SGCB: variants seen among roughly 807,000 people sequenced by gnomAD.
SGCB encodes the protein beta-sarcoglycan.
A neutral mutation model predicts 27.3 loss-of-function variants in SGCB; 25 were observed. That is an observed-to-expected ratio of 0.92 (90% CI 0.67 to 1.28). SGCB has a LOEUF of 1.28. Among genes scored for constraint, SGCB ranks in the 50% most tolerant of loss-of-function variants. SGCB has a pLI of 0.00. For missense variants in SGCB, 436 were observed against 402.1 expected (o/e 1.08, Z -0.72); for synonymous variants, 147 against 133.5 (o/e 1.10, Z -0.70).
At chr4:52,025,310 C>G (rs1242465182) in intron 5 of SGCB, among the ~76,000 whole-genome samples, 1 of 152,060 alleles carries the variant, frequency 6.6e-6, no homozygotes, top group African/African-American at 2.4e-5. Context: ...CAGATGGGGA[C>G]TGAGTTTTAC....
intron 1 of SGCB, among the ~76,000 whole-genome samples, chr4:52,035,703 A>G (rs1049228943): frequency 6.6e-6 from 1 of 152,212 alleles, no homozygotes; most frequent in Non-Finnish European, 1.5e-5. Context: ...GACCTAAACT[A>G]AAGTGGGATG....
At position 52,028,214 on chromosome 4, in the gene SGCB, TTAA is replaced by T. The variant is rs1333284541; in HGVS notation, c.622-118_622-116del. 3.7e-6 allele frequency: 3 copies of T among 806,128 alleles called. No homozygotes were observed. The African/African-American group carries it at 5.2e-5, about 14-fold the overall frequency. The allele number at this position is 806,128 out of a possible 1,614,324, so 49.9% of individuals were successfully genotyped here. A position where few individuals can be genotyped will look rare whatever the true frequency, so the allele number is the denominator to read the frequency against. On this transcript the variant is annotated intron_variant, in intron 4 of 5. Coordinates refer to ENST00000381431, the MANE Select transcript of SGCB (RefSeq NM_000232.5). ...GAGAGATGAAAGTCAAATGTTTCTA[TTAA>T]TGTTTTAGAGATGTGGAAATTGAGA...
In SGCB at chr4:52,028,811, GA is replaced by G. The variant is rs1737176330; in HGVS notation, c.539del (p.Phe180SerfsTer16). ...ACTCATGAGTTTCATAGTCTGTGCT[GA>G]ATAAGATATTTTGAGTCCTCGGGTC... is the stretch of plus-strand genomic sequence containing the variant. Reference protein sequence around the residue: ...FFDPRTQNILFSTDYETHEFH... With the variant: ...FFDPRTQNILXSTDYETHEFH... On this transcript the variant is annotated frameshift_variant, in exon 4 of 6. Coordinates refer to ENST00000381431, the MANE Select transcript of SGCB (RefSeq NM_000232.5). LOFTEE classifies it high-confidence loss of function. 2 of 1,613,402 alleles carry G rather than the reference GA, an allele frequency of 1.2e-6. No individual in the cohort carries two copies. The highest frequency in any genetic ancestry group is 2.7e-5 in the African/African-American group (2 of 74,866).
chr4:52,031,445 T>A (rs1267451186), intron 2 of SGCB, among the ~76,000 whole-genome samples: 1 of 141,612 alleles, frequency 7.1e-6, no homozygotes, highest in East Asian at 2.0e-4. Context: ...TGTGTGTGTG[T>A]GTGTGCACGC....
Position 52,024,064 on chromosome 4 carries a change from G to A in SGCB, c.850C>T (p.Arg284Cys), listed in dbSNP as rs545065102. Residue 284 changes from arginine (R) to cysteine (C), a missense_variant, in exon 6 of 6, where the codon CGC becomes TGC. Coordinates refer to ENST00000381431, the MANE Select transcript of SGCB (RefSeq NM_000232.5). ...GDQLGSGDWVRYKLCMCADGT... is the reference protein window; with the variant it reads ...GDQLGSGDWVCYKLCMCADGT... ...TCAGCACACATGCAGAGCTTGTAGC[G>A]TACCCAGTCACCACTACCCAACTGG... The A allele has an allele frequency of 2.3e-5, 37 of 1,613,886 alleles. No homozygotes were observed. Among genetic ancestry groups the A allele is most frequent in the East Asian group, 1.1e-4 (5 of 44,864 alleles).
chr4:52,030,038 G>A (rs1380893622), intron 2 of SGCB, among the ~76,000 whole-genome samples, 175 bp from the exon 3 acceptor site: 6 of 151,930 alleles, frequency 3.9e-5, no homozygotes, highest in Non-Finnish European at 8.8e-5. Context: ...TTTTTATTAA[G>A]GTATTACATG....
chr4:52,038,130 GC>G, intron 1 of SGCB, 96 bp downstream of exon 1: 5 of 876,546 alleles, frequency 5.7e-6, no homozygotes, highest in South Asian at 5.5e-5. Context: ...TGCGGCCCGC[GC>G]CCCCCGCACC....
chr4:52,028,686 G>A (rs1406246493), intron 4 of SGCB, 44 bp downstream of exon 4: 7 of 1,360,470 alleles, frequency 5.1e-6, no homozygotes, highest in African/African-American at 2.9e-5. Context: ...TAACTCTAGA[G>A]AATAATTCTC....
intron 2 of SGCB, among the ~76,000 whole-genome samples, chr4:52,031,406 ATGTGTGTGTGTGTGTGTGTGTGTGTG>A: frequency 7.0e-6 from 1 of 142,730 alleles, no homozygotes; most frequent in Non-Finnish European, 1.5e-5. Context: ...GTGTGTGTGT[ATGTGTGTGTGTGTGTGTGTGTGTGTG>A]TGTGTGTGTG....
intron 1 of SGCB, among the ~76,000 whole-genome samples, chr4:52,033,920 T>A (rs1737316503): frequency 1.3e-5 from 2 of 152,316 alleles, no homozygotes; most frequent in South Asian, 4.1e-4. Context: ...AGCAGAGTTG[T>A]CATACGTATC....
In SGCB at chr4:52,029,766, G is replaced by A. The variant is rs150518260; in HGVS notation, c.341C>T (p.Ser114Phe). The part of the protein sequence containing the change: ...ESGLLRFKQV[S>F]DMGVIHPLYK... Reference sequence around the variant, plus strand: ...AAGAGGGTGGATCACTCCCATGTCAGATACTTGCTTAAATCGAAGCAGGCC... The same window carrying A: ...AAGAGGGTGGATCACTCCCATGTCAAATACTTGCTTAAATCGAAGCAGGCC... The change falls in exon 3 of 6, where the codon TCT (serine) becomes TTT (phenylalanine). Residue 114 changes from serine (S) to phenylalanine (F), a missense_variant. Ser to Phe is a radical substitution (Grantham distance 155). Transcript: ENST00000381431. 4.7e-4 allele frequency: 756 copies of A among 1,613,400 alleles called. No homozygotes were observed. The highest frequency in any genetic ancestry group is 6.1e-4 in the Non-Finnish European group (725 of 1,179,486).
chr4:52,024,587 G>A (rs1476396650), intron 5 of SGCB, among the ~76,000 whole-genome samples: 1 of 152,134 alleles, frequency 6.6e-6, no homozygotes, highest in East Asian at 1.9e-4. Context: ...CCAGCACTTT[G>A]GGAGGCCGAG....
intron 1 of SGCB, 146 bp downstream of exon 1, chr4:52,038,076 TCCCGC>T (rs963264476): frequency 8.6e-5 from 15 of 173,908 alleles, no homozygotes; most frequent in South Asian, 2.0e-4. Context: ...GCACAGCTCC[TCCCGC>T]CCCGCCCCGC....
chr4:52,034,145 G>A (rs1224976668), intron 1 of SGCB, among the ~76,000 whole-genome samples: 3 of 150,904 alleles, frequency 2.0e-5, no homozygotes, highest in Non-Finnish European at 3.0e-5. Flanking sequence ...GCCTGGCCAA[G>A]ATGGTGAAAC....
chr4:52,036,476 G>T (rs888996990), intron 1 of SGCB, among the ~76,000 whole-genome samples: 2 of 152,160 alleles, frequency 1.3e-5, no homozygotes, highest in African/African-American at 4.8e-5. Flanking sequence ...AGTTAAAATA[G>T]GTTTCCTATA....
intron 1 of SGCB, 151 bp downstream of exon 1, chr4:52,038,076 T>TCC: frequency 5.8e-6 from 1 of 173,172 alleles, no homozygotes; most frequent in Non-Finnish European, 1.1e-5. Context: ...GCACAGCTCC[T>TCC]CCCGCCCCGC....
rs962423873 is a variant in SGCB at position 52,021,263 on chromosome 4, G to A, written c.*2694C>T. On this transcript the variant is annotated 3_prime_UTR_variant, in exon 6 of 6. Transcript: ENST00000381431. ...CTACTGCTTGTCATATCTGTGCTCAGTGCAGGGATGAGCATACAGCAGGAA... is the reference window on the plus strand; with the variant it reads ...CTACTGCTTGTCATATCTGTGCTCAATGCAGGGATGAGCATACAGCAGGAA... 6.6e-6 allele frequency: 1 copy of A among 152,216 alleles called. No homozygotes were observed. Among genetic ancestry groups the A allele is most frequent in the African/African-American group, 2.4e-5 (1 of 41,406 alleles). 9.4% of individuals were successfully genotyped at this position (152,216 alleles called of 1,614,324 possible). A position where few individuals can be genotyped will look rare whatever the true frequency, so the allele number is the denominator to read the frequency against.
At position 52,038,289 on chromosome 4, in the gene SGCB, C is replaced by T; in HGVS notation, c.-30G>A. 5 of 1,286,926 alleles carry T rather than the reference C, an allele frequency of 3.9e-6. No individual in the cohort carries two copies. Among genetic ancestry groups the T allele is most frequent in the Admixed American group, 3.2e-5 (1 of 30,902 alleles). The allele number at this position is 1,286,926 out of a possible 1,614,324, so 79.7% of individuals were successfully genotyped here. On this transcript the variant is annotated 5_prime_UTR_variant, in exon 1 of 6. Transcript: ENST00000381431. ...CCGCGCCCGCCGCCGCCGAGCTCCC[C>T]GCCCGACTGTGCCCGCCCCTCCGCG...
In SGCB at chr4:52,024,105, C is replaced by T. The variant is rs748986456; in HGVS notation, c.809G>A (p.Ser270Asn). 1.9e-5 allele frequency: 30 copies of T among 1,614,036 alleles called. No homozygotes were observed. The highest frequency in any genetic ancestry group is 2.3e-5 in the Non-Finnish European group (27 of 1,180,016). ...ACCCAACTGGTCTCCACTGGAGGAA[C>T]TGGGTAGGCGGGTGGTGCTGACCAT... Reference protein sequence around the residue: ...SVMVSTTRLPSSSSGDQLGSG... With the variant: ...SVMVSTTRLPNSSSGDQLGSG... The change falls in exon 6 of 6, where the codon AGT becomes AAT. Residue 270 changes from serine to asparagine, a missense_variant. By Grantham distance (46) the Ser-to-Asn change is conservative. Coordinates refer to ENST00000381431, the MANE Select transcript of SGCB (RefSeq NM_000232.5).
Sources: gnomAD v4.1 joint callset for allele counts (sites outside exome capture counted in the v4.1 genomes callset) on GRCh38, gnomAD v4.1.1 for gene constraint, MANE v1.5 for transcripts, NCBI Gene and HGNC (gene_info 2026-07-23, HGNC 2026-07-21) for gene names.